The following TRMT11 variants were observed in gnomAD, a reference collection of about 807,000 sequenced individuals.
TRMT11 encodes tRNA (guanine(10)-N(2))-methyltransferase TRMT11.
Under a neutral mutation model 62.8 loss-of-function variants are expected in TRMT11, and 53 were observed. The ratio of observed to expected loss-of-function variants is 0.84; its 90% CI spans 0.68 to 1.06. The LOEUF (loss-of-function observed/expected upper bound fraction) is 1.06. Ranked by LOEUF, TRMT11 falls within the 50% of genes least tolerant of loss-of-function variation. The pLI is 0.00. For synonymous variants in TRMT11, 188 were observed against 190.3 expected (o/e 0.99, Z 0.10); for missense variants, 556 against 553.4 (o/e 1.00, Z -0.05).
chr6:126,096,639 T>TTA (rs1440855316), intron 17 of TRMT11, among the ~76,000 whole-genome samples: 1 of 152,140 alleles, frequency 6.6e-6, no homozygotes, highest in Non-Finnish European at 1.5e-5. Context: ...AGTCTTGTCT[T>TTA]TAAGCCTCTG....
At chr6:126,223,741 C>T in the TRMT11 span, among the ~76,000 whole-genome samples, 6 of 152,274 alleles carry the variant, frequency 3.9e-5, no homozygotes, top group African/African-American at 1.4e-4. Context: ...CGGACAGTAT[C>T]CTCAAGTATG....
chr6:126,155,241 G>A (rs954368532), intron 21 of TRMT11, among the ~76,000 whole-genome samples: 1 of 152,086 alleles, frequency 6.6e-6, no homozygotes, highest in Non-Finnish European at 1.5e-5. Flanking sequence ...CTGGCAGGGA[G>A]GTGCCACACA....
chr6:126,264,859 TA>T, the TRMT11 span, among the ~76,000 whole-genome samples: 1 of 152,274 alleles, frequency 6.6e-6, no homozygotes, highest in Non-Finnish European at 1.5e-5. Context: ...GCCAAAATCA[TA>T]TATAGTCATA....
the TRMT11 span, among the ~76,000 whole-genome samples, chr6:126,240,325 C>T: frequency 6.6e-6 from 1 of 152,008 alleles, no homozygotes; most frequent in African/African-American, 2.4e-5. Context: ...CTGTTTTTTC[C>T]CCATTTTTGT....
intron 21 of TRMT11, among the ~76,000 whole-genome samples, chr6:126,151,936 T>TTTCTTTCTTTCTTTCC (rs1778060565): frequency 1.8e-5 from 2 of 108,642 alleles, no homozygotes; most frequent in African/African-American, 8.6e-5. Context: ...TCTTTCTTTC[T>TTTCTTTCTTTCTTTCC]TTCTTTCTTT....
chr6:126,164,004 G>A (rs535609393), intron 21 of TRMT11, among the ~76,000 whole-genome samples: 9 of 152,164 alleles, frequency 5.9e-5, no homozygotes, highest in South Asian at 4.1e-4. Flanking sequence ...GTTATTTCTT[G>A]TCTTCTGCTA....
At chr6:126,239,471 T>C in the TRMT11 span, among the ~76,000 whole-genome samples, 1 of 152,170 alleles carries the variant, frequency 6.6e-6, no homozygotes, top group African/African-American at 2.4e-5. Context: ...TTATGAAGCT[T>C]AGTTTGGCTG....
At chr6:126,107,827 A>G (rs143312539) in intron 17 of TRMT11, among the ~76,000 whole-genome samples, 1 of 152,338 alleles carries the variant, frequency 6.6e-6, no homozygotes, top group Non-Finnish European at 1.5e-5. Context: ...TCAGGTCAGC[A>G]TGCAGGAAAC....
intron 17 of TRMT11, among the ~76,000 whole-genome samples, chr6:126,053,470 C>T (rs1222956656): frequency 1.3e-5 from 2 of 152,170 alleles, no homozygotes; most frequent in African/African-American, 2.4e-5. Flanking sequence ...TGCTTTGGGT[C>T]ACTATTTCTC....
intron 21 of TRMT11, among the ~76,000 whole-genome samples, chr6:126,138,378 A>G (rs1313348897): frequency 2.6e-5 from 4 of 151,968 alleles, no homozygotes; most frequent in Admixed American, 2.0e-4. Context: ...ACTACAGTCA[A>G]TTTTGTCATG....
At chr6:126,117,561 A>G (rs1013700349) in intron 21 of TRMT11, among the ~76,000 whole-genome samples, 4 of 152,028 alleles carry the variant, frequency 2.6e-5, no homozygotes, top group African/African-American at 4.8e-5. Flanking sequence ...GTTTACTCTA[A>G]TGTTGATTAT....
chr6:126,033,248 A>G (rs948624571), intron 12 of TRMT11, among the ~76,000 whole-genome samples: 3 of 152,080 alleles, frequency 2.0e-5, no homozygotes, highest in African/African-American at 4.8e-5. Context: ...CTTTTTTTAT[A>G]TATGTATTCT....
At chr6:126,215,747 AT>A in the TRMT11 span, among the ~76,000 whole-genome samples, 81 of 149,838 alleles carry the variant, frequency 5.4e-4, no homozygotes, top group Non-Finnish European at 9.1e-4. Flanking sequence ...TATGTGTTGC[AT>A]TTTTTTTTGA....
chr6:126,051,051 G>T (rs773768413), intron 16 of TRMT11, among the ~76,000 whole-genome samples: 2 of 152,202 alleles, frequency 1.3e-5, no homozygotes, highest in African/African-American at 2.4e-5. Context: ...GGGCTGGGGC[G>T]TGGGAGATGG....
At chr6:126,262,193 C>A in the TRMT11 span, among the ~76,000 whole-genome samples, 6 of 152,236 alleles carry the variant, frequency 3.9e-5, no homozygotes, top group East Asian at 1.2e-3. Context: ...TGTAGTGGAG[C>A]GGAGGGCTTG....
chr6:126,021,238 A>T lies in TRMT11; in HGVS notation c.1218A>T (p.Thr406=), dbSNP rs747326787. The change falls in exon 12 of 13, where the codon ACA becomes ACT. Residue 406 remains threonine (T), a synonymous_variant. Transcript: ENST00000334379. ...SNCEQKLSSH[T]SRRLITMEKV... The stretch of plus-strand genomic sequence containing the variant: ...GCGAGCAGAAGCTTTCCAGTCACAC[A>T]TCAAGGCGCTTGATCACAATGGAAA... The T allele has an allele frequency of 6.2e-7, 1 of 1,614,216 alleles. No homozygotes were observed. Among genetic ancestry groups the T allele is most frequent in the South Asian group, 1.1e-5 (1 of 91,082 alleles).
At chr6:125,991,875 C>G (rs1053916351) in intron 1 of TRMT11, among the ~76,000 whole-genome samples, 3 of 152,112 alleles carry the variant, frequency 2.0e-5, no homozygotes, top group Non-Finnish European at 4.4e-5. Context: ...GTTCAAACTC[C>G]TGGGTTTTAT....
At chr6:126,151,895 T>TCTTTCCTTC (rs1778056340) in intron 21 of TRMT11, among the ~76,000 whole-genome samples, 1 of 64,450 alleles carries the variant, frequency 1.6e-5, no homozygotes, top group Non-Finnish European at 3.0e-5. Flanking sequence ...CTTGTCTTTT[T>TCTTTCCTTC]CTTTCTTTTC....
intron 1 of TRMT11, among the ~76,000 whole-genome samples, chr6:126,190,297 G>A (rs1349880910): frequency 6.6e-6 from 1 of 152,134 alleles, no homozygotes; most frequent in Non-Finnish European, 1.5e-5. Context: ...GGGACCAGGT[G>A]GGAGGTGATT....
Sources: allele counts gnomAD v4.1 joint callset (sites outside exome capture counted in the v4.1 genomes callset), GRCh38; gene constraint gnomAD v4.1.1; transcripts MANE v1.5; gene names NCBI Gene and HGNC (gene_info 2026-07-23, HGNC 2026-07-21).